The following BCKDHB variants were observed in gnomAD, a reference collection of about 807,000 sequenced individuals.
BCKDHB encodes the protein 2-oxoisovalerate dehydrogenase subunit beta, mitochondrial.
In BCKDHB, 41 loss-of-function variants were observed where a neutral mutation model predicts 48.5. That is an observed-to-expected ratio of 0.85 (90% CI 0.66 to 1.10). The LOEUF is 1.10. BCKDHB is among the 50% of genes least tolerant of loss of function. BCKDHB has a pLI of 0.00. For missense variants in BCKDHB, 496 were observed against 494.2 expected (o/e 1.00, Z -0.03); for synonymous variants, 201 against 174.8 (o/e 1.15, Z -1.18).
chr6:80,413,001 C>A, the BCKDHB span, among the ~76,000 whole-genome samples: 1 of 152,106 alleles, frequency 6.6e-6, no homozygotes, highest in South Asian at 2.1e-4. Context: ...TATTCTCAAC[C>A]TATTTGGAGT....
At chr6:80,460,115 T>G in the BCKDHB span, among the ~76,000 whole-genome samples, 1 of 152,136 alleles carries the variant, frequency 6.6e-6, no homozygotes. Flanking sequence ...ATATACATTT[T>G]TAAGTCTTCA....
chr6:80,424,819 G>C, the BCKDHB span, among the ~76,000 whole-genome samples: 1 of 152,164 alleles, frequency 6.6e-6, no homozygotes, highest in Non-Finnish European at 1.5e-5. Context: ...CAGGTTGACA[G>C]GAGGACTTTT....
chr6:80,235,173 C>T, intron 8 of BCKDHB, among the ~76,000 whole-genome samples: 1 of 152,168 alleles, frequency 6.6e-6, no homozygotes, highest in Non-Finnish European at 1.5e-5. Context: ...GTTCCTAACA[C>T]AAGGAAATGA....
In BCKDHB at chr6:80,294,153, C is replaced by A. The variant is rs1248708719; in HGVS notation, c.1038+20932C>A. 3.9e-5 allele frequency among the ~76,000 whole-genome samples: 6 copies of A among 152,136 alleles called. No individual in the cohort carries two copies. In the South Asian group the frequency reaches 6.2e-4, roughly 16 times the overall value. On this transcript the variant is annotated intron_variant, in intron 9 of 9. Coordinates refer to ENST00000320393, the MANE Select transcript of BCKDHB (RefSeq NM_183050.4). The stretch of plus-strand genomic sequence containing the variant: ...ACTGGTGTTACAGGAAGTCAGGGAC[C>A]CCGAATGGAGGGACCGGCTGGAGCT...
chr6:80,134,712 T>G (rs995230122), intron 3 of BCKDHB, among the ~76,000 whole-genome samples: 1 of 152,000 alleles, frequency 6.6e-6, no homozygotes, highest in Non-Finnish European at 1.5e-5. Context: ...AATTTTTTCT[T>G]AAGATGTCCC....
At chr6:80,260,172 G>A (rs1447454259) in intron 8 of BCKDHB, among the ~76,000 whole-genome samples, 1 of 151,948 alleles carries the variant, frequency 6.6e-6, no homozygotes, top group Non-Finnish European at 1.5e-5. Context: ...AATACTGATG[G>A]CCAAAATAAG....
chr6:80,209,678 T>C (rs1774829741), intron 8 of BCKDHB, among the ~76,000 whole-genome samples: 1 of 151,942 alleles, frequency 6.6e-6, no homozygotes, highest in African/African-American at 2.4e-5. Flanking sequence ...TACAGCTGAG[T>C]TGCAGATCTA....
chr6:80,236,144 A>G (rs982407488), intron 8 of BCKDHB, among the ~76,000 whole-genome samples: 1 of 146,414 alleles, frequency 6.8e-6, no homozygotes, highest in Non-Finnish European at 1.5e-5. Context: ...ATTCTTTAAT[A>G]AAATATCAGA....
At chr6:80,424,171 G>T in the BCKDHB span, among the ~76,000 whole-genome samples, 5 of 152,130 alleles carry the variant, frequency 3.3e-5, no homozygotes, top group Non-Finnish European at 7.4e-5. Context: ...GTGTTATCAA[G>T]AATTTTTATT....
At chr6:80,293,509 T>G (rs1436327032) in intron 9 of BCKDHB, among the ~76,000 whole-genome samples, 1 of 152,088 alleles carries the variant, frequency 6.6e-6, no homozygotes, top group South Asian at 2.1e-4. Flanking sequence ...CAGGAAACCA[T>G]TTTTTGCTCC....
chr6:80,346,536 G>A (rs1770208446), downstream of BCKDHB, among the ~76,000 whole-genome samples: 2 of 152,070 alleles, frequency 1.3e-5, no homozygotes, highest in Non-Finnish European at 2.9e-5. Flanking sequence ...AGTGTGTGGT[G>A]GGTGGTGAGG....
intron 3 of BCKDHB, among the ~76,000 whole-genome samples, chr6:80,146,450 T>C (rs1277798748): frequency 6.6e-6 from 1 of 152,194 alleles, no homozygotes; most frequent in Non-Finnish European, 1.5e-5. Flanking sequence ...AAGAAGCAAT[T>C]GAACATAGGC....
intron 3 of BCKDHB, among the ~76,000 whole-genome samples, chr6:80,164,230 T>C (rs1265144415): frequency 6.6e-6 from 1 of 152,202 alleles, no homozygotes. Context: ...TCCTTGACTT[T>C]ATCTCCTACT....
chr6:80,218,413 A>G (rs932239380), intron 8 of BCKDHB, among the ~76,000 whole-genome samples: 27 of 152,182 alleles, frequency 1.8e-4, no homozygotes, highest in Admixed American at 1.3e-4. Context: ...ACGCACATGC[A>G]CTCATGCACA....
chr6:80,205,625 G>T (rs1443229648), intron 8 of BCKDHB, among the ~76,000 whole-genome samples: 1 of 151,982 alleles, frequency 6.6e-6, no homozygotes, highest in Non-Finnish European at 1.5e-5. Flanking sequence ...GTTGCTCAAG[G>T]GAGTTAAAAA....
chr6:80,219,534 C>T (rs368726603), intron 8 of BCKDHB, among the ~76,000 whole-genome samples: 11 of 152,186 alleles, frequency 7.2e-5, no homozygotes, highest in African/African-American at 2.6e-4. Context: ...TTTCCTTTTC[C>T]AGTCTTGACT....
At chr6:80,444,844 T>A in the BCKDHB span, among the ~76,000 whole-genome samples, 1 of 152,236 alleles carries the variant, frequency 6.6e-6, no homozygotes, top group East Asian at 1.9e-4. Flanking sequence ...CATGTCTCAA[T>A]TTTTGTTTCA....
At chr6:80,192,121 C>A (rs72892431) in intron 6 of BCKDHB, among the ~76,000 whole-genome samples, 8,645 of 152,100 alleles carry the variant, frequency 0.057, 317 homozygotes, top group Non-Finnish European at 0.085. Context: ...AAACCCATAT[C>A]TAATTAAGTC....
At chr6:80,243,631 C>T (rs1432094948) in intron 8 of BCKDHB, among the ~76,000 whole-genome samples, 3 of 152,122 alleles carry the variant, frequency 2.0e-5, no homozygotes, top group Non-Finnish European at 2.9e-5. Flanking sequence ...CTCCAGAGCT[C>T]AAGCAGTCTT....
Sources: gnomAD v4.1 joint callset for allele counts (sites outside exome capture counted in the v4.1 genomes callset) on GRCh38, gnomAD v4.1.1 for gene constraint, MANE v1.5 for transcripts, NCBI Gene and HGNC (gene_info 2026-07-23, HGNC 2026-07-21) for gene names.